NXPE4: variants seen among roughly 807,000 people sequenced by gnomAD.
NXPE4 encodes neurexophilin and PC-esterase domain family member 4.
NXPE4 carries 42 observed loss-of-function variants against 33.3 expected under a neutral mutation model. That is an observed-to-expected ratio of 1.26 (90% CI 0.98 to 1.63). The LOEUF is 1.63. NXPE4 is among the 40% of genes most tolerant of loss of function. The pLI is 0.00. For missense variants in NXPE4, 709 were observed against 647.6 expected, an observed-to-expected ratio of 1.09 and a Z score of -1.03; for synonymous variants, 253 against 234.9, an observed-to-expected ratio of 1.08 and a Z score of -0.71.
At chr11:114,591,230 C>T (rs1316640325) in intron 2 of NXPE4, among the ~76,000 whole-genome samples, 3 of 152,188 alleles carry the variant, frequency 2.0e-5, no homozygotes, top group Non-Finnish European at 1.5e-5. Flanking sequence ...CTTACAAGAG[C>T]ACTTGAATTA....
the NXPE4 span, among the ~76,000 whole-genome samples, chr11:114,626,023 C>T: frequency 6.6e-6 from 1 of 152,218 alleles, no homozygotes; most frequent in Non-Finnish European, 1.5e-5. Flanking sequence ...TCAAAGGGTC[C>T]TACGCCCACG....
chr11:114,638,644 T>G, the NXPE4 span, among the ~76,000 whole-genome samples: 2 of 152,080 alleles, frequency 1.3e-5, no homozygotes, highest in Non-Finnish European at 2.9e-5. Context: ...AGGTTTTTGG[T>G]GTGGATGTCC....
At chr11:114,634,976 A>T in the NXPE4 span, among the ~76,000 whole-genome samples, 6 of 152,006 alleles carry the variant, frequency 3.9e-5, no homozygotes, top group African/African-American at 1.2e-4. Flanking sequence ...TGAACTTTAA[A>T]GTAGTTTTTT....
chr11:114,665,958 G>C, the NXPE4 span, among the ~76,000 whole-genome samples: 2 of 152,266 alleles, frequency 1.3e-5, no homozygotes, highest in Non-Finnish European at 1.5e-5. Context: ...CAAGTGAGGA[G>C]ACTGAGGTAG....
the NXPE4 span, among the ~76,000 whole-genome samples, chr11:114,612,859 A>T: frequency 6.7e-6 from 1 of 148,230 alleles, no homozygotes; most frequent in East Asian, 2.1e-4. Context: ...TGGGTAATCA[A>T]TGTTACCCCG....
the NXPE4 span, among the ~76,000 whole-genome samples, chr11:114,617,875 C>T: frequency 2.0e-5 from 3 of 152,048 alleles, no homozygotes; most frequent in African/African-American, 4.8e-5. Context: ...CATGGGTAAC[C>T]ACTCTTACCT....
the NXPE4 span, among the ~76,000 whole-genome samples, chr11:114,644,832 A>G: frequency 6.6e-6 from 1 of 152,112 alleles, no homozygotes; most frequent in Non-Finnish European, 1.5e-5. Flanking sequence ...ATTTAAAAAA[A>G]AAAACTGTAA....
chr11:114,677,791 T>C, the NXPE4 span, among the ~76,000 whole-genome samples: 2 of 152,238 alleles, frequency 1.3e-5, no homozygotes, highest in Non-Finnish European at 1.5e-5. Context: ...TATCTGTATA[T>C]AGAGATCTAT....
chr11:114,640,813 C>T, the NXPE4 span, among the ~76,000 whole-genome samples: 4 of 151,790 alleles, frequency 2.6e-5, no homozygotes, highest in African/African-American at 9.7e-5. Flanking sequence ...TTTATTTTTT[C>T]TTCCTAATTT....
chr11:114,589,938 C>T (rs763731234), intron 2 of NXPE4, among the ~76,000 whole-genome samples: 21 of 152,284 alleles, frequency 1.4e-4, no homozygotes, highest in Non-Finnish European at 2.5e-4. Flanking sequence ...CCTTGCTAAT[C>T]CAAATGCCTG....
At chr11:114,639,229 C>T in the NXPE4 span, among the ~76,000 whole-genome samples, 160 of 151,926 alleles carry the variant, frequency 1.1e-3, 1 homozygote, top group Admixed American at 1.4e-3. Flanking sequence ...GACTGCTGTG[C>T]GAGCAATCAG....
chr11:114,578,496 A>G (rs1949065062), intron 5 of NXPE4, among the ~76,000 whole-genome samples: 1 of 152,150 alleles, frequency 6.6e-6, no homozygotes, highest in Non-Finnish European at 1.5e-5. Context: ...TTTCCCTAGG[A>G]GTTTAGTCAT....
At chr11:114,631,619 C>T in the NXPE4 span, among the ~76,000 whole-genome samples, 1 of 151,806 alleles carries the variant, frequency 6.6e-6, no homozygotes, top group Non-Finnish European at 1.5e-5. Context: ...CACATGTATA[C>T]ATATGTAACT....
At chr11:114,657,034 C>A in the NXPE4 span, among the ~76,000 whole-genome samples, 1 of 152,296 alleles carries the variant, frequency 6.6e-6, no homozygotes, top group African/African-American at 2.4e-5. Flanking sequence ...GCAGAGCTTG[C>A]AGTGAGCTGA....
At chr11:114,628,971 G>A in the NXPE4 span, among the ~76,000 whole-genome samples, 1 of 152,024 alleles carries the variant, frequency 6.6e-6, no homozygotes, top group Non-Finnish European at 1.5e-5. Context: ...GACTAAACAA[G>A]GAAGAAGTTG....
chr11:114,619,148 T>C, the NXPE4 span, among the ~76,000 whole-genome samples: 1 of 151,966 alleles, frequency 6.6e-6, no homozygotes, highest in Non-Finnish European at 1.5e-5. Flanking sequence ...TGTTACCCAG[T>C]GGGTAATAAG....
chr11:114,572,540 A>G (rs774187341), intron 5 of NXPE4, among the ~76,000 whole-genome samples: 3 of 152,218 alleles, frequency 2.0e-5, no homozygotes, highest in Non-Finnish European at 4.4e-5. Flanking sequence ...ATTTCTGGAA[A>G]TCAAGGATAC....
chr11:114,609,102 A>T, the NXPE4 span, among the ~76,000 whole-genome samples: 4 of 147,092 alleles, frequency 2.7e-5, no homozygotes, highest in African/African-American at 1.0e-4. Flanking sequence ...GTGTTGCCTC[A>T]TGGGTAGCTA....
chr11:114,630,959 C>T, the NXPE4 span, among the ~76,000 whole-genome samples: 1 of 150,964 alleles, frequency 6.6e-6, no homozygotes, highest in Non-Finnish European at 1.5e-5. Context: ...AAATGCAAAT[C>T]AAAACCACAA....
Sources: allele counts gnomAD v4.1 joint callset (sites outside exome capture counted in the v4.1 genomes callset), GRCh38; gene constraint gnomAD v4.1.1; transcripts MANE v1.5; gene names NCBI Gene and HGNC (gene_info 2026-07-23, HGNC 2026-07-21).